Variants in RHOG observed in about 807,000 individuals in gnomAD.
The protein encoded by RHOG is ras homolog family member G.
Under a neutral mutation model 12.3 loss-of-function variants are expected in RHOG, and 1 was observed. That is an observed-to-expected ratio of 0.08 (90% confidence interval 0.03 to 0.39). The LOEUF is 0.39. Among genes scored for constraint, RHOG ranks in the 10% least tolerant of loss-of-function variants. RHOG has a pLI of 0.99. For missense variants in RHOG, 114 were observed against 266.2 expected (o/e 0.43, Z 3.98); for synonymous variants, 129 against 116.0 (o/e 1.11, Z -0.72).
intron 1 of RHOG, among the ~76,000 whole-genome samples, chr11:3,840,119 C>A (rs1205332189): frequency 1.3e-5 from 2 of 152,132 alleles, no homozygotes; most frequent in Non-Finnish European, 2.9e-5. Context: ...CCAAAAGACA[C>A]AACAAAAACT....
chr11:3,838,131 A>G (rs1194030324), intron 1 of RHOG, among the ~76,000 whole-genome samples: 2 of 152,380 alleles, frequency 1.3e-5, no homozygotes, highest in South Asian at 4.1e-4. Context: ...AGGAGTCTTC[A>G]GTGTGGGCCT....
intron 1 of RHOG, among the ~76,000 whole-genome samples, chr11:3,835,014 G>A (rs1456928950): frequency 6.6e-6 from 1 of 152,158 alleles, no homozygotes; most frequent in Non-Finnish European, 1.5e-5. Flanking sequence ...ATGCACCATT[G>A]CTGCCTCTTC....
intron 1 of RHOG, among the ~76,000 whole-genome samples, chr11:3,830,345 CATT>C (rs2090119450): frequency 6.6e-6 from 1 of 152,084 alleles, no homozygotes; most frequent in South Asian, 2.1e-4. Flanking sequence ...TTGCCTATTG[CATT>C]ACAATTGCTC....
chr11:3,840,886 G>A lies in RHOG; in HGVS notation c.-69+8C>T, dbSNP rs1157554843. 2 of 152,146 alleles carry A rather than the reference G, an allele frequency of 1.3e-5. No individual in the cohort carries two copies. The highest frequency in any genetic ancestry group is 4.8e-5 in the African/African-American group (2 of 41,426). The allele number at this position is 152,146 out of a possible 1,614,324, so 9.4% of individuals were successfully genotyped here. The stretch of plus-strand genomic sequence containing the variant: ...GACCCCTACCCGCCAGCCCCGGCCG[G>A]GCCTCACCTGGTGCCCTCCCCGAGG... On this transcript the variant is annotated splice_region_variant and intron_variant, in intron 1 of 1. Transcript: ENST00000351018.
intron 1 of RHOG, among the ~76,000 whole-genome samples, chr11:3,831,305 TAC>T (rs2090126874): frequency 6.6e-6 from 1 of 152,202 alleles, no homozygotes; most frequent in African/African-American, 2.4e-5. Flanking sequence ...CCTCCCAGGC[TAC>T]AGTTTGCCTT....
rs1198930756 is a variant in RHOG, at chr11:3,840,102, A to G, written c.-69+792T>C. On this transcript the variant is annotated intron_variant, in intron 1 of 1. Coordinates refer to ENST00000351018, the MANE Select transcript of RHOG (RefSeq NM_001665.4). ...GAGGAACACTAGGAGATGGTTCTCAATTGTCCCCAAAAGACACAACAAAAA... is the reference window on the plus strand; with the variant it reads ...GAGGAACACTAGGAGATGGTTCTCAGTTGTCCCCAAAAGACACAACAAAAA... 2.6e-5 allele frequency among the ~76,000 whole-genome samples: 4 copies of G among 152,188 alleles called. No individual in the cohort carries two copies. The East Asian group carries it at 5.8e-4, about 22-fold the overall frequency.
At chr11:3,839,523 CAG>C (rs1258029461) in intron 1 of RHOG, among the ~76,000 whole-genome samples, 4 of 128,308 alleles carry the variant, frequency 3.1e-5, no homozygotes, top group Non-Finnish European at 5.1e-5. Context: ...CACACACACA[CAG>C]GCTTTCCATC....
At chr11:3,830,350 C>T (rs868553444) in intron 1 of RHOG, among the ~76,000 whole-genome samples, 2 of 152,078 alleles carry the variant, frequency 1.3e-5, no homozygotes, top group Admixed American at 6.6e-5. Context: ...TATTGCATTA[C>T]AATTGCTCAG....
At chr11:3,831,022 C>T (rs565585717) in intron 1 of RHOG, among the ~76,000 whole-genome samples, 1 of 152,188 alleles carries the variant, frequency 6.6e-6, no homozygotes, top group South Asian at 2.1e-4. Context: ...AGGGGGCAGC[C>T]CTGTTTTAAA....
chr11:3,836,447 A>C (rs187977791), intron 1 of RHOG, among the ~76,000 whole-genome samples: 1 of 151,894 alleles, frequency 6.6e-6, no homozygotes, highest in African/African-American at 2.4e-5. Context: ...AGGATCCTAC[A>C]TTGCAGCAGC....
chr11:3,838,149 C>G (rs1275744484), intron 1 of RHOG, among the ~76,000 whole-genome samples: 1 of 152,210 alleles, frequency 6.6e-6, no homozygotes, highest in Non-Finnish European at 1.5e-5. Flanking sequence ...CCTGAGCCCC[C>G]TTCTTCATGT....
At chr11:3,835,426 A>C (rs995847171) in intron 1 of RHOG, among the ~76,000 whole-genome samples, 1 of 152,066 alleles carries the variant, frequency 6.6e-6, no homozygotes, top group Non-Finnish European at 1.5e-5. Context: ...AACTAACTGG[A>C]TGCTTCAGGG....
chr11:3,834,482 C>G lies in RHOG; in HGVS notation c.-68-6276G>C, dbSNP rs143831511. ...GTATCGGACACTCCCTGCCCACCCC[C>G]CAACAGACAAGACTGCAATGCTGAA... On this transcript the variant is annotated intron_variant, in intron 1 of 1. Coordinates refer to ENST00000351018, the MANE Select transcript of RHOG (RefSeq NM_001665.4). Among the ~76,000 whole-genome samples the G allele has an allele frequency of 6.0e-3, 909 of 152,340 alleles. 3 individuals are homozygous for G. The highest frequency in any genetic ancestry group is 8.8e-3 in the Non-Finnish European group (602 of 68,030).
Position 3,828,025 on chromosome 11 carries a change from G to C in RHOG, c.114C>G (p.Asp38Glu). 1 of 1,614,292 alleles carries C rather than the reference G, an allele frequency of 6.2e-7. No homozygotes were observed. Among genetic ancestry groups the C allele is most frequent in the Non-Finnish European group, 8.5e-7 (1 of 1,180,052 alleles). ...FPKEYIPTVF[D>E]NYSAQSAVDG... ...CAACTGCGCTCTGCGCGCTGTAATTGTCGAACACGGTGGGGATGTACTCTT... is the reference window on the plus strand; with the variant it reads ...CAACTGCGCTCTGCGCGCTGTAATTCTCGAACACGGTGGGGATGTACTCTT... Residue 38 changes from aspartate to glutamate, a missense_variant, in exon 2 of 2, where the codon GAC becomes GAG. Asp to Glu is a conservative substitution (Grantham distance 45). Around this residue, in one of 2 missense-constraint regions of RHOG, gnomAD observed 53 missense variants for 164.8 expected, o/e 0.32. Coordinates refer to ENST00000351018, the MANE Select transcript of RHOG (RefSeq NM_001665.4).
At chr11:3,837,140 G>A (rs1476961334) in intron 1 of RHOG, among the ~76,000 whole-genome samples, 2 of 152,082 alleles carry the variant, frequency 1.3e-5, no homozygotes, top group Non-Finnish European at 2.9e-5. Context: ...GTGCCATCCT[G>A]CAAATCCTGG....
In RHOG at chr11:3,840,912, C is replaced by A. The variant is rs916401100; in HGVS notation, c.-87G>T. 1.3e-5 allele frequency: 2 copies of A among 150,036 alleles called. No individual in the cohort carries two copies. The highest frequency in any genetic ancestry group is 4.9e-5 in the African/African-American group (2 of 41,004). 9.3% of individuals were successfully genotyped at this position (150,036 alleles called of 1,614,324 possible). Reference sequence around the variant, plus strand: ...GCCTCACCTGGTGCCCTCCCCGAGGCGGGGGAGCTGGGGGCGGCGGCAGCG... The same window carrying A: ...GCCTCACCTGGTGCCCTCCCCGAGGAGGGGGAGCTGGGGGCGGCGGCAGCG... On this transcript the variant is annotated 5_prime_UTR_variant, in exon 1 of 2. Transcript: ENST00000351018.
chr11:3,834,413 C>T (rs1173108655), intron 1 of RHOG, among the ~76,000 whole-genome samples: 1 of 152,176 alleles, frequency 6.6e-6, no homozygotes, highest in Non-Finnish European at 1.5e-5. Flanking sequence ...TCTGCTTGTA[C>T]CAGCCCTCAT....
rs146490351 is a variant in RHOG, at chr11:3,837,508, G to GCAGT, written c.-69+3382_-69+3385dup. On this transcript the variant is annotated intron_variant, in intron 1 of 1. Coordinates refer to ENST00000351018, the MANE Select transcript of RHOG (RefSeq NM_001665.4). ...CCCAGAGTGAGGGGCACTGCTATGA[G>GCAGT]CAGTCTCTTGGGGGAGGAAGAGTCA... Among the ~76,000 whole-genome samples, 1,133 of 152,314 alleles carry GCAGT rather than the reference G, an allele frequency of 7.4e-3. 7 individuals carry two copies. Among genetic ancestry groups the GCAGT allele is most frequent in the African/African-American group, 0.026 (1,084 of 41,562 alleles).
intron 1 of RHOG, among the ~76,000 whole-genome samples, chr11:3,829,822 C>T (rs1185380679): frequency 2.0e-5 from 3 of 152,078 alleles, no homozygotes; most frequent in African/African-American, 7.2e-5. Context: ...TCTTGACTCA[C>T]TGCAACCTCC....
Sources: gnomAD v4.1 joint callset for allele counts (sites outside exome capture counted in the v4.1 genomes callset) on GRCh38, gnomAD v4.1.1 for gene constraint, gnomAD v4.1.1 regional missense constraint, MANE v1.5 for transcripts, NCBI Gene and HGNC (gene_info 2026-07-23, HGNC 2026-07-21) for gene names.